The following NPHP1 variants were observed in gnomAD, a reference collection of about 807,000 sequenced individuals.
The protein encoded by NPHP1 is nephrocystin-1.
Under a neutral mutation model 90.4 loss-of-function variants are expected in NPHP1, and 70 were observed. That is an observed-to-expected ratio of 0.77 (90% CI 0.64 to 0.95). NPHP1 has a LOEUF of 0.95. Ranked by LOEUF, NPHP1 falls within the 40% of genes least tolerant of loss-of-function variation. NPHP1 has a pLI of 0.00. For missense variants in NPHP1, 764 were observed against 795.9 expected (o/e 0.96, Z 0.48); for synonymous variants, 256 against 271.7 (o/e 0.94, Z 0.57).
chr2:110,172,962 C>CT (rs559012343), intron 4 of NPHP1, among the ~76,000 whole-genome samples: 3,665 of 135,992 alleles, frequency 0.027, 170 homozygotes, highest in African/African-American at 0.079. Flanking sequence ...TTTTCTTTTT[C>CT]TTTTTTTTTT....
chr2:110,165,259 C>T, intron 6 of NPHP1, 104 bp from the exon 7 acceptor site: 2 of 910,012 alleles, frequency 2.2e-6, no homozygotes, highest in South Asian at 2.8e-5. Context: ...CAAAAACAAG[C>T]TTTTCTGTTT....
chr2:110,151,402 T>C (rs1254691651), intron 11 of NPHP1, among the ~76,000 whole-genome samples: 1 of 152,144 alleles, frequency 6.6e-6, no homozygotes, highest in African/African-American at 2.4e-5. Context: ...ATTTATGGAA[T>C]GAAGAATTCA....
In NPHP1 at chr2:110,165,035, C is replaced by T; in HGVS notation, c.728+17G>A. On this transcript the variant is annotated intron_variant, in intron 7 of 19. Transcript: ENST00000445609. ...TGTTTCCTAAACCTACTTTGATATC[C>T]TTTCCCACTTTTGTACCTTTGCTTA... 1 of 1,587,722 alleles carries T rather than the reference C, an allele frequency of 6.3e-7. No homozygotes were observed. The highest frequency in any genetic ancestry group is 1.3e-5 in the African/African-American group (1 of 74,390).
chr2:110,197,384 C>T (rs1685243984), intron 2 of NPHP1, among the ~76,000 whole-genome samples: 1 of 152,098 alleles, frequency 6.6e-6, no homozygotes, highest in African/African-American at 2.4e-5. Context: ...AAACATCAAA[C>T]TGGGGCTGAC....
At chr2:110,160,388 G>T in intron 10 of NPHP1, 133 bp from the exon 11 acceptor site, 1 of 634,932 alleles carries the variant, frequency 1.6e-6, no homozygotes. Flanking sequence ...TACAATAAAA[G>T]TTTCAATACT....
At chr2:110,195,520 G>A (rs1409543716) in intron 2 of NPHP1, among the ~76,000 whole-genome samples, 1 of 152,138 alleles carries the variant, frequency 6.6e-6, no homozygotes, top group Non-Finnish European at 1.5e-5. Context: ...CAAACAAATG[G>A]AAGAACATTC....
chr2:110,124,289 G>A (rs921269058), intron 19 of NPHP1: 16 of 597,698 alleles, frequency 2.7e-5, no homozygotes, highest in Admixed American at 5.3e-5. Flanking sequence ...GAGCCTCTAC[G>A]TGGCTCCATG....
intron 4 of NPHP1, among the ~76,000 whole-genome samples, chr2:110,173,526 T>G (rs574762146): frequency 6.6e-6 from 1 of 152,262 alleles, no homozygotes; most frequent in South Asian, 2.1e-4. Context: ...CCCATACATA[T>G]AATACCATAT....
chr2:110,146,904 C>T, intron 13 of NPHP1, 69 bp from the exon 14 acceptor site: 4 of 1,109,938 alleles, frequency 3.6e-6, no homozygotes, highest in Non-Finnish European at 5.5e-6. Context: ...CATACCAAGT[C>T]CTTTTAAAGG....
At chr2:110,178,320 C>A in intron 4 of NPHP1, 103 bp downstream of exon 4, 1 of 1,114,778 alleles carries the variant, frequency 9.0e-7, no homozygotes, top group South Asian at 1.3e-5. Flanking sequence ...TTGTTAGTGT[C>A]ATTTGTTTAT....
chr2:110,165,262 T>G, intron 6 of NPHP1, 107 bp from the exon 7 acceptor site: 19 of 849,080 alleles, frequency 2.2e-5, no homozygotes, highest in East Asian at 5.2e-5. Flanking sequence ...AAACAAGCTT[T>G]TCTGTTTAAA....
At chr2:110,128,618 TG>T (rs1049449884) in intron 18 of NPHP1, 8 of 156,084 alleles carry the variant, frequency 5.1e-5, no homozygotes, top group African/African-American at 1.9e-4. Flanking sequence ...TTCAAGGTCC[TG>T]GGTTATACCT....
chr2:110,195,367 G>C (rs1685085461), intron 2 of NPHP1, among the ~76,000 whole-genome samples: 1 of 151,152 alleles, frequency 6.6e-6, no homozygotes, highest in South Asian at 2.1e-4. Context: ...ACCAATAACA[G>C]ACAGAGAGCC....
intron 4 of NPHP1, among the ~76,000 whole-genome samples, chr2:110,173,103 C>T (rs904411129): frequency 2.0e-5 from 3 of 151,722 alleles, no homozygotes; most frequent in African/African-American, 7.3e-5. Context: ...GGACTACAGG[C>T]ATGCACCACC....
At chr2:110,124,642 A>G (rs919153867) in intron 19 of NPHP1, 3 of 181,084 alleles carry the variant, frequency 1.7e-5, no homozygotes, top group African/African-American at 7.1e-5. Context: ...CCCACAGGCC[A>G]TGGTGGGAAT....
chr2:110,186,975 G>A (rs1684323692), intron 2 of NPHP1, among the ~76,000 whole-genome samples: 1 of 152,118 alleles, frequency 6.6e-6, no homozygotes, highest in African/African-American at 2.4e-5. Context: ...TGAAACTAAT[G>A]AGAACAAAGA....
chr2:110,143,441 T>C (rs1680792528), intron 16 of NPHP1, 101 bp downstream of exon 16: 2 of 830,678 alleles, frequency 2.4e-6, no homozygotes, highest in Middle Eastern at 2.2e-4. Context: ...AAAAATATTA[T>C]AACAAAAGAT....
chr2:110,125,436 A>G (rs1271248130), intron 19 of NPHP1: 1 of 1,202,306 alleles, frequency 8.3e-7, no homozygotes, highest in East Asian at 2.4e-5. Flanking sequence ...GCTGTCTTGA[A>G]CAAGTATTCC....
At chr2:110,172,719 C>T (rs1039732675) in intron 4 of NPHP1, among the ~76,000 whole-genome samples, 2 of 152,014 alleles carry the variant, frequency 1.3e-5, no homozygotes, top group Non-Finnish European at 2.9e-5. Context: ...GGGAGGTGGA[C>T]GTTGCAGTGA....
Sources: gnomAD v4.1 joint callset for allele counts (sites outside exome capture counted in the v4.1 genomes callset) on GRCh38, gnomAD v4.1.1 for gene constraint, MANE v1.5 for transcripts, NCBI Gene and HGNC (gene_info 2026-07-23, HGNC 2026-07-21) for gene names.